Variants in COL12A1 observed in about 807,000 individuals in gnomAD.
COL12A1 encodes the protein collagen type XII alpha 1 chain.
COL12A1 carries 114 observed loss-of-function variants against 349.7 expected under a neutral mutation model. The observed-to-expected ratio is 0.33, with a 90% CI of 0.28 to 0.38. COL12A1 has a LOEUF of 0.38. Among genes scored for constraint, COL12A1 ranks in the 10% least tolerant of loss-of-function variants. The probability of loss-of-function intolerance (pLI) is 1.00; values close to 1 mark genes in which losing one functional copy is unlikely to be tolerated. For missense variants in COL12A1, 3,284 were observed against 3,756.9 expected (o/e 0.87, Z 3.29); for synonymous variants, 1,369 against 1,329.0 (o/e 1.03, Z -0.66).
At chr6:75,164,023 A>G (rs1234249382) in intron 14 of COL12A1, among the ~76,000 whole-genome samples, 1 of 152,202 alleles carries the variant, frequency 6.6e-6, no homozygotes, top group Admixed American at 6.5e-5. Flanking sequence ...TAAGTTTACA[A>G]TACAGCTTCT....
At chr6:75,182,963 G>A (rs1001811143) in intron 10 of COL12A1, 87 bp downstream of exon 10, 1 of 1,456,146 alleles carries the variant, frequency 6.9e-7, no homozygotes, top group Admixed American at 2.3e-5. Context: ...TCTATAAGAA[G>A]AATTGAACAA....
chr6:75,160,331 G>A (rs1050184683), intron 14 of COL12A1, among the ~76,000 whole-genome samples: 4 of 152,092 alleles, frequency 2.6e-5, no homozygotes, highest in Non-Finnish European at 5.9e-5. Context: ...TCGTTTCATT[G>A]TATCAACAGT....
In COL12A1 at chr6:75,151,278, T is replaced by C. The variant is rs1187079906; in HGVS notation, c.4010A>G (p.Asn1337Ser). The C allele has an allele frequency of 3.1e-6, 5 of 1,612,708 alleles. No individual in the cohort carries two copies. The Admixed American group carries it at 8.3e-5, about 27-fold the overall frequency. Residue 1337 changes from asparagine (N) to serine (S), a missense_variant, in exon 21 of 66, where the codon AAT becomes AGT. Physicochemically the swap from Asn to Ser is conservative, Grantham distance 46. This residue lies in a region of COL12A1 where 2,601 missense variants were observed against 2,824.8 expected (regional missense o/e 0.92). Transcript: ENST00000322507. ...GVELFAIGIK[N>S]ADEVELKMIA... ...CATCTTTAATTCGACTTCATCAGCATTTTTAATACCTTCAAAAACGGATAT... is the reference window on the plus strand; with the variant it reads ...CATCTTTAATTCGACTTCATCAGCACTTTTAATACCTTCAAAAACGGATAT...
At chr6:75,121,955 G>T (rs1419237707) in intron 43 of COL12A1, among the ~76,000 whole-genome samples, 1 of 151,430 alleles carries the variant, frequency 6.6e-6, no homozygotes, top group Non-Finnish European at 1.5e-5. Flanking sequence ...CACCTCCCAG[G>T]TTCAAGTGAT....
chr6:75,115,323 G>T (rs912384143), intron 49 of COL12A1, among the ~76,000 whole-genome samples: 1 of 152,058 alleles, frequency 6.6e-6, no homozygotes, highest in African/African-American at 2.4e-5. Context: ...ACAACAGATT[G>T]CTAGAGCATC....
In COL12A1 at chr6:75,135,148, C is replaced by CA. The variant is rs772529377; in HGVS notation, c.5395-294dup. 1.0e-3 allele frequency among the ~76,000 whole-genome samples: 143 copies of CA among 139,970 alleles called. 2 individuals carry two copies. In the East Asian group the frequency reaches 0.015, roughly 14 times the overall value. 91.8% of individuals were successfully genotyped at this position (139,970 alleles called of 152,430 possible). On this transcript the variant is annotated intron_variant, in intron 31 of 65. Coordinates refer to ENST00000322507, the MANE Select transcript of COL12A1 (RefSeq NM_004370.6). ...CCAAAACACATTTCACAGAACTCTT[C>CA]AAAAAAAAAGGGGGCGGGGGGGACT...
intron 58 of COL12A1, among the ~76,000 whole-genome samples, chr6:75,100,898 T>C (rs953619255): frequency 2.6e-5 from 4 of 152,216 alleles, no homozygotes; most frequent in Admixed American, 2.6e-4. Context: ...AGTTCCTTTG[T>C]TCTGAGAAAC....
chr6:75,100,033 C>T (rs1768236052), intron 58 of COL12A1, among the ~76,000 whole-genome samples: 1 of 152,146 alleles, frequency 6.6e-6, no homozygotes, highest in South Asian at 2.1e-4. Flanking sequence ...CTCCTTTTTG[C>T]ATTAGTGGTA....
In COL12A1 at chr6:75,181,121, GA is replaced by G; in HGVS notation, c.1981del (p.Ser661HisfsTer31). ...NWSPAGENVF[S>X]YHITYKEAAG... ...CGCTTCCTTGTAGGTGATGTGATATGAAAAAACATTTTCTCCAGCTGGAGAC... is the reference window on the plus strand; with the variant it reads ...CGCTTCCTTGTAGGTGATGTGATATGAAAAACATTTTCTCCAGCTGGAGAC... On this transcript the variant is annotated frameshift_variant, in exon 11 of 66. Coordinates refer to ENST00000322507, the MANE Select transcript of COL12A1 (RefSeq NM_004370.6). LOFTEE classifies it high-confidence loss of function. 1.2e-6 allele frequency: 2 copies of G among 1,612,562 alleles called. No homozygotes were observed. Among genetic ancestry groups the G allele is most frequent in the Non-Finnish European group, 1.7e-6 (2 of 1,179,782 alleles).
At position 75,115,859 on chromosome 6, in the gene COL12A1, G is replaced by A; in HGVS notation, c.7622C>T (p.Ser2541Phe). ...GCTGGGGAAAGACCCTGACTCCAAA[G>A]ATACTCCTTGTACAGAAGCAAAATT... is the stretch of plus-strand genomic sequence containing the variant. ...EKNFASVQGV[S>F]LESGSFPSYS... Residue 2541 changes from serine to phenylalanine, a missense_variant, in exon 49 of 66, where the codon TCT (serine) becomes TTT (phenylalanine). Ser to Phe is a radical substitution (Grantham distance 155). Coordinates refer to ENST00000322507, the MANE Select transcript of COL12A1 (RefSeq NM_004370.6). The A allele has an allele frequency of 6.2e-7, 1 of 1,613,630 alleles. No homozygotes were observed. Among genetic ancestry groups the A allele is most frequent in the Non-Finnish European group, 8.5e-7 (1 of 1,179,696 alleles).
intron 60 of COL12A1, among the ~76,000 whole-genome samples, chr6:75,094,892 C>T (rs1476932734): frequency 6.6e-6 from 1 of 152,116 alleles, no homozygotes; most frequent in South Asian, 2.1e-4. Context: ...TTAAAGAAAC[C>T]CAGTAACCAC....
chr6:75,106,298 C>A (rs983136483), intron 53 of COL12A1, 121 bp downstream of exon 53: 2 of 798,584 alleles, frequency 2.5e-6, no homozygotes, highest in Admixed American at 2.3e-5. Flanking sequence ...CCACACATTG[C>A]GTGTCTTTTA....
intron 3 of COL12A1, among the ~76,000 whole-genome samples, chr6:75,194,318 A>G (rs1376126223): frequency 6.6e-6 from 1 of 152,202 alleles, no homozygotes; most frequent in African/African-American, 2.4e-5. Context: ...AGTTTTGTTT[A>G]GTTTTCCAAG....
At position 75,130,005 on chromosome 6, in the gene COL12A1, T is replaced by A. The variant is rs1766221980; in HGVS notation, c.6210+86A>T. The A allele has an allele frequency of 7.4e-6, 11 of 1,482,942 alleles. No homozygotes were observed. The South Asian group carries it at 1.1e-4, about 15-fold the overall frequency. 91.9% of individuals were successfully genotyped at this position (1,482,942 alleles called of 1,614,324 possible). On this transcript the variant is annotated intron_variant, in intron 37 of 65. Transcript: ENST00000322507. ...GTGACTATCAAGGACTCAACCGTAC[T>A]CACAGCATACCTCTAAAGAAGTTTA...
At chr6:75,101,962 A>C (rs1178121912) in intron 57 of COL12A1, 37 bp downstream of exon 57, 1 of 1,607,108 alleles carries the variant, frequency 6.2e-7, no homozygotes, top group East Asian at 2.2e-5. Flanking sequence ...GAAATTTTCA[A>C]ATAGCACATG....
intron 14 of COL12A1, among the ~76,000 whole-genome samples, chr6:75,164,793 AT>A (rs1465243924): frequency 7.2e-5 from 11 of 152,102 alleles, no homozygotes; most frequent in Non-Finnish European, 1.6e-4. Flanking sequence ...ATCCTGACAC[AT>A]CTTTCACCAG....
At position 75,087,624 on chromosome 6, in the gene COL12A1, T is replaced by A. The variant is rs751471471; in HGVS notation, c.9134A>T (p.Asp3045Val). Residue 3045 changes from aspartate (D) to valine (V), a missense_variant, in exon 65 of 66, where the codon GAT becomes GTT. By Grantham distance (152) the Asp-to-Val change is radical. Around this residue, in one of 2 missense-constraint regions of COL12A1, gnomAD observed 683 missense variants for 932.1 expected, o/e 0.73. Transcript: ENST00000322507. ...TGGGATGCTGGCACACTGAGAAGAA[T>A]CACAGTATCCAGGAGGACCTGGGGG... is the stretch of plus-strand genomic sequence containing the variant. ...RGPPGPPGYC[D>V]SSQCASIPYN... is the part of the protein sequence containing the mutation. 6.2e-7 allele frequency: 1 copy of A among 1,613,808 alleles called. No homozygotes were observed. The highest frequency in any genetic ancestry group is 8.5e-7 in the Non-Finnish European group (1 of 1,179,852).
intron 11 of COL12A1, among the ~76,000 whole-genome samples, chr6:75,179,128 T>C (rs1473422738): frequency 6.6e-6 from 1 of 152,194 alleles, no homozygotes; most frequent in African/African-American, 2.4e-5. Context: ...TAGCAGGAGC[T>C]CTGTAATTGT....
chr6:75,130,367 T>C (rs1562179233), intron 36 of COL12A1, 134 bp from the exon 37 acceptor site: 4 of 919,830 alleles, frequency 4.3e-6, no homozygotes, highest in Middle Eastern at 3.4e-4. Flanking sequence ...AATATACATT[T>C]ATGGTTTTAA....
Sources: gnomAD v4.1 joint callset for allele counts (sites outside exome capture counted in the v4.1 genomes callset) on GRCh38, gnomAD v4.1.1 for gene constraint, gnomAD v4.1.1 regional missense constraint, MANE v1.5 for transcripts, NCBI Gene and HGNC (gene_info 2026-07-23, HGNC 2026-07-21) for gene names.